SORCS1: variants seen among roughly 807,000 people sequenced by gnomAD.
SORCS1 encodes the protein VPS10 domain-containing receptor SorCS1.
In SORCS1, 60 loss-of-function variants were observed where a neutral mutation model predicts 146.1. The ratio of observed to expected loss-of-function variants is 0.41; its 90% CI spans 0.33 to 0.51. The LOEUF is 0.51. Among genes scored for constraint, SORCS1 ranks in the 20% least tolerant of loss-of-function variants. The pLI, the probability that SORCS1 is intolerant of heterozygous loss-of-function variation, is 0.21. For synonymous variants in SORCS1, 637 were observed against 584.0 expected, an observed-to-expected ratio of 1.09 and a Z score of -1.31; for missense variants, 1,352 against 1,487.6, an observed-to-expected ratio of 0.91 and a Z score of 1.50.
At chr10:106,579,088 T>C (rs368096560) in intron 25 of SORCS1, 10 of 1,613,642 alleles carry the variant, frequency 6.2e-6, no homozygotes, top group East Asian at 2.2e-5. Context: ...GGGAATCATT[T>C]ACCTATGAGC....
intron 1 of SORCS1, among the ~76,000 whole-genome samples, chr10:107,069,654 G>A (rs1962248493): frequency 6.6e-6 from 1 of 152,144 alleles, no homozygotes; most frequent in Admixed American, 6.5e-5. Context: ...GGGATTACAG[G>A]CGTGAGCCAC....
chr10:106,975,914 G>A (rs569309954), intron 1 of SORCS1, among the ~76,000 whole-genome samples: 458 of 152,184 alleles, frequency 3.0e-3, no homozygotes, highest in Non-Finnish European at 5.4e-3. Flanking sequence ...TTGGGAGGCC[G>A]AGGTGGGTGG....
At chr10:106,830,320 C>A (rs545018924) in intron 2 of SORCS1, among the ~76,000 whole-genome samples, 1 of 152,190 alleles carries the variant, frequency 6.6e-6, no homozygotes, top group South Asian at 2.1e-4. Context: ...ATTATTCACT[C>A]GGATTAAATA....
rs117364262 is a variant in SORCS1 at position 106,963,065 on chromosome 10, A to G, written c.559-6485T>C. Among the ~76,000 whole-genome samples the G allele has an allele frequency of 1.4e-3, 213 of 149,038 alleles. 7 individuals are homozygous for G. In the East Asian group the frequency reaches 0.039, roughly 28 times the overall value. On this transcript the variant is annotated intron_variant, in intron 1 of 25. Coordinates refer to ENST00000263054, the MANE Select transcript of SORCS1 (RefSeq NM_052918.5). ...AGATTTGGAATAATCTTTCATGAGAATCAAAGAGTTGGATAAAATAAGAGA... is the reference window on the plus strand; with the variant it reads ...AGATTTGGAATAATCTTTCATGAGAGTCAAAGAGTTGGATAAAATAAGAGA...
chr10:106,776,178 C>T (rs112180747), intron 4 of SORCS1, among the ~76,000 whole-genome samples: 1,974 of 152,274 alleles, frequency 0.013, 23 homozygotes, highest in Non-Finnish European at 0.017. Flanking sequence ...TTGAGAAAAG[C>T]CATGGGTCTT....
intron 1 of SORCS1, among the ~76,000 whole-genome samples, chr10:107,050,244 CT>C (rs1959982358): frequency 6.6e-6 from 1 of 152,090 alleles, no homozygotes; most frequent in African/African-American, 2.4e-5. Flanking sequence ...ATTTCTTTCT[CT>C]TTTTTTTCTG....
At chr10:106,596,402 A>T (rs1446395014) in intron 24 of SORCS1, among the ~76,000 whole-genome samples, 1 of 152,242 alleles carries the variant, frequency 6.6e-6, no homozygotes, top group Non-Finnish European at 1.5e-5. Flanking sequence ...TTATTAATAC[A>T]TCACAACAAT....
chr10:106,612,855 T>C (rs984734374), intron 21 of SORCS1, among the ~76,000 whole-genome samples: 3 of 152,096 alleles, frequency 2.0e-5, no homozygotes, highest in Non-Finnish European at 4.4e-5. Flanking sequence ...CCTGAATGCA[T>C]GGTAGGTTTA....
rs913139514 is a variant in SORCS1 at position 106,587,667 on chromosome 10, A to C, written c.3266-8193T>G. ...TAACATCTTTTTATTACACCTGCAA[A>C]AGAAATTAAACCAGTCAGCAGCAGC... On this transcript the variant is annotated intron_variant, in intron 24 of 25. Transcript: ENST00000263054. 7.9e-5 allele frequency among the ~76,000 whole-genome samples: 12 copies of C among 152,316 alleles called. No individual in the cohort carries two copies. The East Asian group carries it at 2.3e-3, about 29-fold the overall frequency.
At chr10:106,927,120 T>C (rs1209044178) in intron 2 of SORCS1, among the ~76,000 whole-genome samples, 1 of 152,214 alleles carries the variant, frequency 6.6e-6, no homozygotes, top group African/African-American at 2.4e-5. Flanking sequence ...GCCTCTAATG[T>C]AATACTGTGT....
chr10:106,588,256 T>G (rs1845364030), intron 24 of SORCS1, among the ~76,000 whole-genome samples: 1 of 152,210 alleles, frequency 6.6e-6, no homozygotes, highest in African/African-American at 2.4e-5. Context: ...TGTTTCATTT[T>G]CTCCCCCTTC....
At chr10:107,045,636 A>G (rs1004922929) in intron 1 of SORCS1, among the ~76,000 whole-genome samples, 1 of 152,102 alleles carries the variant, frequency 6.6e-6, no homozygotes, top group African/African-American at 2.4e-5. Context: ...GGCACACACA[A>G]CAGTTTTAAG....
intron 17 of SORCS1, among the ~76,000 whole-genome samples, chr10:106,653,880 T>C (rs1731395269): frequency 6.6e-6 from 1 of 152,230 alleles, no homozygotes; most frequent in African/African-American, 2.4e-5. Context: ...TTCTTCTCTG[T>C]TCAAAACCTT....
chr10:106,610,214 T>C (rs1292444908), intron 22 of SORCS1, among the ~76,000 whole-genome samples: 1 of 151,908 alleles, frequency 6.6e-6, no homozygotes, highest in Non-Finnish European at 1.5e-5. Context: ...TCTATCCCTG[T>C]TTCTCCTTGG....
At chr10:106,730,548 G>A (rs989828594) in intron 5 of SORCS1, among the ~76,000 whole-genome samples, 6 of 152,196 alleles carry the variant, frequency 3.9e-5, no homozygotes, top group African/African-American at 9.6e-5. Context: ...AACCACCTAC[G>A]ACTGCCCTAT....
intron 14 of SORCS1, among the ~76,000 whole-genome samples, chr10:106,674,353 A>AAAAAAAAAAAAAAC: frequency 6.8e-6 from 1 of 146,906 alleles, no homozygotes; most frequent in Non-Finnish European, 1.5e-5. Flanking sequence ...AAAAAAAAAA[A>AAAAAAAAAAAAAAC]AAAAGTAGTA....
chr10:106,737,631 A>C (rs1857048367), intron 5 of SORCS1, among the ~76,000 whole-genome samples: 1 of 152,116 alleles, frequency 6.6e-6, no homozygotes, highest in African/African-American at 2.4e-5. Context: ...AGGCTGAGGC[A>C]GGCGAATTGC....
At chr10:106,667,898 T>C (rs1432378579) in intron 16 of SORCS1, 96 bp from the exon 17 acceptor site, 2 of 695,520 alleles carry the variant, frequency 2.9e-6, no homozygotes, top group Admixed American at 2.6e-5. Flanking sequence ...CACTAATCAA[T>C]TAGTCATAAC....
chr10:106,972,821 C>T (rs1238139643), intron 1 of SORCS1, among the ~76,000 whole-genome samples: 1 of 152,230 alleles, frequency 6.6e-6, no homozygotes, highest in Non-Finnish European at 1.5e-5. Flanking sequence ...AGGTGCTTCA[C>T]ACACAGTATG....
Sources: allele counts gnomAD v4.1 joint callset (sites outside exome capture counted in the v4.1 genomes callset), GRCh38; gene constraint gnomAD v4.1.1; transcripts MANE v1.5; gene names NCBI Gene and HGNC (gene_info 2026-07-23, HGNC 2026-07-21).